Variants in FHIP1A observed in about 807,000 individuals in gnomAD.
FHIP1A encodes FHF complex subunit HOOK-interacting protein 1A.
A neutral mutation model predicts 88.6 loss-of-function variants in FHIP1A; 61 were observed. The ratio of observed to expected loss-of-function variants is 0.69; its 90% CI spans 0.56 to 0.85. The LOEUF (loss-of-function observed/expected upper bound fraction) is 0.85. FHIP1A is among the 40% of genes least tolerant of loss of function. The probability of loss-of-function intolerance (pLI) is 0.00; values close to 1 mark genes in which losing one functional copy is unlikely to be tolerated. For synonymous variants in FHIP1A, 478 were observed against 496.0 expected (o/e 0.96, Z 0.48); for missense variants, 1,154 against 1,273.5 (o/e 0.91, Z 1.43).
intron 11 of FHIP1A, among the ~76,000 whole-genome samples, chr4:151,654,326 C>T (rs566222877): frequency 6.6e-6 from 1 of 152,102 alleles, no homozygotes; most frequent in East Asian, 1.9e-4. Flanking sequence ...CATGTGCCCC[C>T]CCACCTCACC....
intron 3 of FHIP1A, among the ~76,000 whole-genome samples, chr4:151,493,908 CG>C (rs1730371672): frequency 3.3e-5 from 5 of 152,166 alleles, no homozygotes; most frequent in Middle Eastern, 3.4e-3. Context: ...TCCTGAGGAC[CG>C]GAACAAGACA....
At chr4:151,611,117 G>A (rs1444460790) in intron 7 of FHIP1A, among the ~76,000 whole-genome samples, 2 of 152,054 alleles carry the variant, frequency 1.3e-5, no homozygotes, top group Non-Finnish European at 2.9e-5. Context: ...CTATGAGAGA[G>A]AAAACTAATG....
At chr4:151,478,856 C>A (rs1181637560) in intron 2 of FHIP1A, among the ~76,000 whole-genome samples, 1 of 152,060 alleles carries the variant, frequency 6.6e-6, no homozygotes, top group Admixed American at 6.6e-5. Flanking sequence ...CATTCACCTT[C>A]ATTATTCATT....
rs115141569 is a variant in FHIP1A at position 151,647,488 on chromosome 4, C to A, written c.1417+740C>A. ...TTTCCAGTTTATATTCTGATATCCA[C>A]CCCAACAATGTCATTCTGTCCACCC... is the stretch of plus-strand genomic sequence containing the variant. On this transcript the variant is annotated intron_variant, in intron 10 of 13. Transcript: ENST00000435205. Among the ~76,000 whole-genome samples the A allele has an allele frequency of 5.4e-3, 826 of 152,284 alleles. 8 individuals are homozygous for A. The highest frequency in any genetic ancestry group is 0.019 in the African/African-American group (788 of 41,564).
intron 1 of FHIP1A, among the ~76,000 whole-genome samples, chr4:151,429,075 G>A (rs1013198621): frequency 4.0e-5 from 6 of 150,320 alleles, no homozygotes; most frequent in South Asian, 2.1e-4. Flanking sequence ...CAGGCAGTTC[G>A]CCTGTTTTGT....
intron 1 of FHIP1A, among the ~76,000 whole-genome samples, chr4:151,432,652 G>A (rs1733638304): frequency 6.6e-6 from 1 of 152,194 alleles, no homozygotes; most frequent in Non-Finnish European, 1.5e-5. Context: ...CATTTGTGCA[G>A]TGATCAATGT....
chr4:151,442,612 A>G (rs1169836928), intron 1 of FHIP1A, among the ~76,000 whole-genome samples: 1 of 152,112 alleles, frequency 6.6e-6, no homozygotes, highest in Non-Finnish European at 1.5e-5. Flanking sequence ...CATATTCCCA[A>G]AAGAGGCTAT....
intron 1 of FHIP1A, among the ~76,000 whole-genome samples, chr4:151,448,039 G>T (rs898751959): frequency 7.2e-5 from 11 of 152,048 alleles, no homozygotes; most frequent in African/African-American, 2.4e-4. Flanking sequence ...CTCTGGAGTA[G>T]CTGGGACTAC....
At chr4:151,661,575 A>T (rs1267964104) in intron 13 of FHIP1A, among the ~76,000 whole-genome samples, 1 of 152,126 alleles carries the variant, frequency 6.6e-6, no homozygotes, top group Admixed American at 6.5e-5. Flanking sequence ...CTTGAATATA[A>T]TGATTTATAA....
chr4:151,649,643 G>T lies in FHIP1A; in HGVS notation c.1602G>T (p.Met534Ile). The T allele has an allele frequency of 6.4e-7, 1 of 1,551,718 alleles. No homozygotes were observed. The highest frequency in any genetic ancestry group is 8.7e-7 in the Non-Finnish European group (1 of 1,146,994). ...ATGGCGACTCCCCCGACCCTGAGAT[G>T]TTTCTCCAGAGTCTGACGGAGGAGG... ...LYDGDSPDPE[M>I]FLQSLTEEGS... Residue 534 changes from methionine to isoleucine, a missense_variant, in exon 11 of 14, where the codon ATG becomes ATT. Physicochemically the swap from Met to Ile is conservative, Grantham distance 10. Transcript: ENST00000435205.
chr4:151,616,828 A>G (rs1035344597), intron 7 of FHIP1A, among the ~76,000 whole-genome samples: 1 of 151,874 alleles, frequency 6.6e-6, no homozygotes, highest in Non-Finnish European at 1.5e-5. Flanking sequence ...GCTCACTGCA[A>G]CCTCCATCTC....
intron 3 of FHIP1A, among the ~76,000 whole-genome samples, chr4:151,518,001 T>C (rs1211905759): frequency 6.6e-6 from 1 of 152,148 alleles, no homozygotes; most frequent in Non-Finnish European, 1.5e-5. Context: ...AGAAAATATT[T>C]TAAGAATAAA....
Position 151,470,139 on chromosome 4 carries a change from G to A in FHIP1A, c.-247-12385G>A, listed in dbSNP as rs1008928340. The stretch of plus-strand genomic sequence containing the variant: ...TTTTTAAACAATGTGTGGTAGAGTA[G>A]TATGGTAATTCCATTTGTCTTTAAG... On this transcript the variant is annotated intron_variant, in intron 2 of 13. Transcript: ENST00000435205. Among the ~76,000 whole-genome samples the A allele has an allele frequency of 2.6e-5, 4 of 152,196 alleles. No individual in the cohort carries two copies. The East Asian group carries it at 7.7e-4, about 29-fold the overall frequency.
intron 1 of FHIP1A, among the ~76,000 whole-genome samples, chr4:151,414,086 T>C (rs1732791473): frequency 6.6e-6 from 1 of 152,012 alleles, no homozygotes; most frequent in South Asian, 2.1e-4. Context: ...AGTCTCACTC[T>C]GTCGCCCAGG....
At chr4:151,591,382 T>C (rs531900000) in intron 7 of FHIP1A, among the ~76,000 whole-genome samples, 2 of 152,254 alleles carry the variant, frequency 1.3e-5, no homozygotes, top group South Asian at 2.1e-4. Flanking sequence ...GAGGGACTCC[T>C]GTCTGTGTTT....
intron 9 of FHIP1A, among the ~76,000 whole-genome samples, chr4:151,644,464 A>G (rs191354343): frequency 1.3e-3 from 204 of 151,934 alleles, no homozygotes; most frequent in Non-Finnish European, 2.6e-3. Context: ...TGATCCTCCT[A>G]CCTCAGCCTC....
At chr4:151,654,578 G>A (rs1392552828) in intron 11 of FHIP1A, among the ~76,000 whole-genome samples, 2 of 152,180 alleles carry the variant, frequency 1.3e-5, no homozygotes, top group African/African-American at 4.8e-5. Context: ...AGGGACTGCG[G>A]GGGAGCAGGT....
intron 3 of FHIP1A, among the ~76,000 whole-genome samples, chr4:151,542,133 C>G (rs1004745220): frequency 2.6e-5 from 4 of 152,184 alleles, no homozygotes; most frequent in Non-Finnish European, 4.4e-5. Flanking sequence ...CTTCACCCTT[C>G]AAAGTGTGTG....
chr4:151,415,143 T>G (rs995962517), intron 1 of FHIP1A, among the ~76,000 whole-genome samples: 3 of 152,102 alleles, frequency 2.0e-5, no homozygotes, highest in African/African-American at 7.2e-5. Flanking sequence ...TTTTTTTTAC[T>G]GGCTGTATAG....
Sources: allele counts gnomAD v4.1 joint callset (sites outside exome capture counted in the v4.1 genomes callset), GRCh38; gene constraint gnomAD v4.1.1; transcripts MANE v1.5; gene names NCBI Gene and HGNC (gene_info 2026-07-23, HGNC 2026-07-21).